The following ZNF33A variants were observed in gnomAD, a reference collection of about 807,000 sequenced individuals.
ZNF33A encodes the protein zinc finger protein 33A, also known as brain my041 protein.
A neutral mutation model predicts 15.9 loss-of-function variants in ZNF33A; 9 were observed. The ratio of observed to expected loss-of-function variants is 0.57; its 90% CI spans 0.34 to 0.99. The LOEUF (loss-of-function observed/expected upper bound fraction) is 0.99. ZNF33A is among the 50% of genes least tolerant of loss of function. The pLI is 0.02. For missense variants in ZNF33A, 843 were observed against 941.6 expected (o/e 0.90, Z 1.37); for synonymous variants, 294 against 324.2 (o/e 0.91, Z 1.00).
chr10:38,017,995 G>C (rs542779885), intron 4 of ZNF33A, among the ~76,000 whole-genome samples: 31 of 152,326 alleles, frequency 2.0e-4, no homozygotes, highest in African/African-American at 7.5e-4. Flanking sequence ...CTGGGAGGCT[G>C]AGGCAGGAGA....
rs760444504 is a variant in ZNF33A, at chr10:38,027,525, CT to C, written c.250+10152del. ...CACCATGCCCACTATGCCCAGCTAT[CT>C]TTTTTTTTTTTTGGTGGAAACGGCA... On this transcript the variant is annotated intron_variant, in intron 4 of 4. Coordinates refer to ENST00000432900, the MANE Select transcript of ZNF33A (RefSeq NM_006954.2). Among the ~76,000 whole-genome samples the C allele has an allele frequency of 3.7e-3, 526 of 142,388 alleles. 1 individual carries two copies. Among genetic ancestry groups the C allele is most frequent in the Admixed American group, 4.2e-3 (59 of 14,128 alleles). 93.4% of individuals were successfully genotyped at this position (142,388 alleles called of 152,430 possible).
rs554054575 is a variant in ZNF33A at position 38,047,624 on chromosome 10, C to CAAAAAAAAAAA, written c.251-6721_251-6711dup. ...CTGGCGATAGAGCAAGACTCTGTCT[C>CAAAAAAAAAAA]AAAAAAAAAAAAAAAAAAAAAAAAA... On this transcript the variant is annotated intron_variant, in intron 4 of 4. Coordinates refer to ENST00000432900, the MANE Select transcript of ZNF33A (RefSeq NM_006954.2). 5.2e-4 allele frequency among the ~76,000 whole-genome samples: 39 copies of CAAAAAAAAAAA among 75,008 alleles called. 1 individual carries two copies. The highest frequency in any genetic ancestry group is 7.1e-4 in the Admixed American group (4 of 5,648). The allele number at this position is 75,008 out of a possible 152,430, so 49.2% of individuals were successfully genotyped here.
At chr10:38,063,002 CAAAAAAAAAAA>C (rs373779802), downstream of ZNF33A, among the ~76,000 whole-genome samples, 23 of 44,212 alleles carry the variant, frequency 5.2e-4, no homozygotes, top group Middle Eastern at 0.013. Context: ...GACTCCATCT[CAAAAAAAAAAA>C]AAAAAAAAAA....
intron 4 of ZNF33A, among the ~76,000 whole-genome samples, chr10:38,042,694 G>A (rs1157016758): frequency 6.6e-6 from 1 of 151,952 alleles, no homozygotes; most frequent in Non-Finnish European, 1.5e-5. Flanking sequence ...GAGACTATAG[G>A]TGTGCACCAC....
intron 4 of ZNF33A, among the ~76,000 whole-genome samples, chr10:38,023,692 G>A (rs1444733987): frequency 6.6e-6 from 1 of 152,160 alleles, no homozygotes; most frequent in African/African-American, 2.4e-5. Flanking sequence ...GTAAAACTGG[G>A]AACAAGGCAA....
chr10:38,057,211 G>C lies in ZNF33A; in HGVS notation c.*651G>C, dbSNP rs775110481. On this transcript the variant is annotated 3_prime_UTR_variant, in exon 5 of 5. Coordinates refer to ENST00000432900, the MANE Select transcript of ZNF33A (RefSeq NM_006954.2). The stretch of plus-strand genomic sequence containing the variant: ...ATCAACACGATTAGTTTACAGAACT[G>C]AAAAGGAATCTGAGATCTGTACTGT... 1 of 984,694 alleles carries C rather than the reference G, an allele frequency of 1.0e-6. No homozygotes were observed. Among genetic ancestry groups the C allele is most frequent in the South Asian group, 4.7e-5 (1 of 21,290 alleles). The allele number at this position is 984,694 out of a possible 1,614,324, so 61.0% of individuals were successfully genotyped here.
chr10:38,049,362 G>C (rs1269889580), intron 4 of ZNF33A, among the ~76,000 whole-genome samples: 3 of 151,812 alleles, frequency 2.0e-5, no homozygotes, highest in African/African-American at 7.3e-5. Flanking sequence ...ACTTACTTTT[G>C]GGTCTAATTT....
At chr10:38,014,092 G>C (rs1564830855) in intron 2 of ZNF33A, among the ~76,000 whole-genome samples, 1 of 121,266 alleles carries the variant, frequency 8.2e-6, no homozygotes, top group Non-Finnish European at 1.6e-5. Flanking sequence ...ACCCAGGCTA[G>C]GGTGCAGTGT....
At chr10:38,031,770 C>T (rs562822042) in intron 4 of ZNF33A, among the ~76,000 whole-genome samples, 2 of 151,914 alleles carry the variant, frequency 1.3e-5, no homozygotes, top group African/African-American at 2.4e-5. Flanking sequence ...GGAGACCATC[C>T]GGGCCAACAT....
intron 4 of ZNF33A, among the ~76,000 whole-genome samples, chr10:38,027,116 A>C (rs557166160): frequency 3.7e-4 from 57 of 152,042 alleles, no homozygotes; most frequent in African/African-American, 1.3e-3. Context: ...GGATTACTGT[A>C]GCTTTCTAAT....
downstream of ZNF33A, among the ~76,000 whole-genome samples, chr10:38,065,398 G>T (rs1485958964): frequency 1.3e-5 from 2 of 152,150 alleles, no homozygotes; most frequent in African/African-American, 2.4e-5. Context: ...ATTCCTTAGT[G>T]TTTCATGTGG....
At chr10:38,036,811 T>G (rs1385503980) in intron 4 of ZNF33A, among the ~76,000 whole-genome samples, 1 of 152,224 alleles carries the variant, frequency 6.6e-6, no homozygotes, top group Non-Finnish European at 1.5e-5. Context: ...CGTACAGGCA[T>G]GATTGCCTAA....
downstream of ZNF33A, among the ~76,000 whole-genome samples, chr10:38,061,404 C>A (rs531183844): frequency 2.6e-5 from 4 of 152,288 alleles, no homozygotes; most frequent in African/African-American, 9.6e-5. Flanking sequence ...TACCAGTTCT[C>A]CCCAGATTAC....
chr10:38,013,732 G>A (rs1004069260), intron 2 of ZNF33A, among the ~76,000 whole-genome samples: 1 of 151,970 alleles, frequency 6.6e-6, no homozygotes, highest in Non-Finnish European at 1.5e-5. Context: ...CTAGGATTGT[G>A]TATTTTAATT....
intron 4 of ZNF33A, among the ~76,000 whole-genome samples, chr10:38,046,097 G>T (rs1316222263): frequency 6.6e-6 from 1 of 152,124 alleles, no homozygotes; most frequent in Non-Finnish European, 1.5e-5. Context: ...TATTTTAATT[G>T]GGGTGGTGGA....
chr10:38,061,308 C>T (rs1451509310), downstream of ZNF33A, among the ~76,000 whole-genome samples: 1 of 152,146 alleles, frequency 6.6e-6, no homozygotes, highest in Non-Finnish European at 1.5e-5. Context: ...TTGCTGCCAC[C>T]ACACATGCTT....
chr10:38,030,888 A>G (rs1256020192), intron 4 of ZNF33A, among the ~76,000 whole-genome samples: 1 of 152,198 alleles, frequency 6.6e-6, no homozygotes, highest in South Asian at 2.1e-4. Context: ...GCTGTTTATC[A>G]TAATACCTCA....
At chr10:38,048,715 G>T (rs181494093) in intron 4 of ZNF33A, among the ~76,000 whole-genome samples, 2 of 152,084 alleles carry the variant, frequency 1.3e-5, no homozygotes, top group Admixed American at 6.6e-5. Flanking sequence ...TCCATTCATC[G>T]AGAGGATTTA....
At chr10:38,014,527 T>C (rs983855278) in intron 2 of ZNF33A, among the ~76,000 whole-genome samples, 7 of 152,256 alleles carry the variant, frequency 4.6e-5, no homozygotes, top group Non-Finnish European at 1.5e-5. Flanking sequence ...TTGGAATGAG[T>C]GTCTACTTCT....
Sources: allele counts gnomAD v4.1 joint callset (sites outside exome capture counted in the v4.1 genomes callset), GRCh38; gene constraint gnomAD v4.1.1; transcripts MANE v1.5; gene names NCBI Gene and HGNC (gene_info 2026-07-23, HGNC 2026-07-21).